DMXL2: variants seen among roughly 807,000 people sequenced by gnomAD.
The protein encoded by DMXL2 is Dmx like 2, also known as dmX-like protein 2.
DMXL2 carries 103 observed loss-of-function variants against 331.1 expected under a neutral mutation model. The ratio of observed to expected loss-of-function variants is 0.31; its 90% CI spans 0.27 to 0.37. DMXL2 has a LOEUF of 0.37. DMXL2 is among the 10% of genes least tolerant of loss of function. The pLI, the probability that DMXL2 is intolerant of heterozygous loss-of-function variation, is 1.00. For missense variants in DMXL2, 3,171 were observed against 3,642.9 expected (o/e 0.87, Z 3.33); for synonymous variants, 1,281 against 1,252.1 (o/e 1.02, Z -0.49).
intron 33 of DMXL2, 182 bp downstream of exon 33, chr15:51,463,197 T>C: frequency 2.2e-6 from 1 of 456,536 alleles, no homozygotes. Flanking sequence ...CCTATGTTGT[T>C]TCATTGCTAT....
chr15:51,563,729 G>A (rs1041859559), intron 5 of DMXL2, among the ~76,000 whole-genome samples: 1 of 152,096 alleles, frequency 6.6e-6, no homozygotes, highest in East Asian at 1.9e-4. Flanking sequence ...CATGTTAAAA[G>A]CTGAGCTTAT....
At chr15:51,595,335 A>C (rs1361844556) in intron 1 of DMXL2, among the ~76,000 whole-genome samples, 1 of 152,234 alleles carries the variant, frequency 6.6e-6, no homozygotes, top group Admixed American at 6.5e-5. Flanking sequence ...CTTCAAAGAG[A>C]ATAAAATATC....
chr15:51,569,727 C>A (rs761270244), intron 2 of DMXL2, among the ~76,000 whole-genome samples: 17 of 152,180 alleles, frequency 1.1e-4, no homozygotes, highest in Non-Finnish European at 2.2e-4. Context: ...AGCAGACCTG[C>A]AGCAGAGGGG....
At chr15:51,523,433 A>G (rs374582765) in intron 13 of DMXL2, among the ~76,000 whole-genome samples, 37 of 152,354 alleles carry the variant, frequency 2.4e-4, no homozygotes, top group African/African-American at 8.9e-4. Context: ...TACAAATATA[A>G]CTGATGAGAA....
intron 13 of DMXL2, among the ~76,000 whole-genome samples, chr15:51,528,324 C>CA (rs35702525): frequency 6.6e-6 from 1 of 151,774 alleles, no homozygotes; most frequent in Admixed American, 6.6e-5. Flanking sequence ...CTGTGGCCTG[C>CA]AAAAAACACA....
chr15:51,551,127 G>T (rs1596225672), intron 6 of DMXL2, among the ~76,000 whole-genome samples: 2 of 150,246 alleles, frequency 1.3e-5, no homozygotes, highest in Non-Finnish European at 3.0e-5. Context: ...AAAAAAAACT[G>T]CCCAACATTC....
Position 51,480,602 on chromosome 15 carries a change from T to C in DMXL2, c.6504A>G (p.Gln2168=). ...TCCTTACTGAAGCCAAACCACCACCTTGGGCCCCATGAAGGCTACAGTAGC... is the reference window on the plus strand; with the variant it reads ...TCCTTACTGAAGCCAAACCACCACCCTGGGCCCCATGAAGGCTACAGTAGC... The part of the protein sequence containing the change: ...FLSYCSLHGA[Q]GGGLASVRME... The change falls in exon 24 of 44, where the codon CAA becomes CAG. Residue 2168 remains glutamine, a synonymous_variant. Coordinates refer to ENST00000560891, the MANE Select transcript of DMXL2 (RefSeq NM_001378457.1). The C allele has an allele frequency of 6.3e-7, 1 of 1,587,476 alleles. No homozygotes were observed. Among genetic ancestry groups the C allele is most frequent in the South Asian group, 1.1e-5 (1 of 88,898 alleles).
intron 32 of DMXL2, among the ~76,000 whole-genome samples, chr15:51,464,440 A>C (rs1377847261): frequency 6.6e-6 from 1 of 152,184 alleles, no homozygotes; most frequent in East Asian, 1.9e-4. Flanking sequence ...ACCACACCGG[A>C]AATTAATACA....
At chr15:51,538,731 A>G (rs1444772429) in intron 9 of DMXL2, among the ~76,000 whole-genome samples, 2 of 152,226 alleles carry the variant, frequency 1.3e-5, no homozygotes, top group African/African-American at 4.8e-5. Flanking sequence ...AAATTAAAGC[A>G]GAAAAGCAGC....
intron 6 of DMXL2, among the ~76,000 whole-genome samples, chr15:51,558,586 T>C (rs1596254755): frequency 6.6e-6 from 1 of 152,338 alleles, no homozygotes. Context: ...GAACTACTAC[T>C]AAACCGCACA....
At chr15:51,498,276 A>C (rs544956447) in intron 18 of DMXL2, among the ~76,000 whole-genome samples, 2 of 152,044 alleles carry the variant, frequency 1.3e-5, no homozygotes, top group African/African-American at 2.4e-5. Context: ...AACACACACA[A>C]AAAAACAAGA....
chr15:51,588,124 G>A (rs2052001317), intron 1 of DMXL2, among the ~76,000 whole-genome samples: 1 of 148,850 alleles, frequency 6.7e-6, no homozygotes, highest in East Asian at 2.0e-4. Flanking sequence ...TAGGTCGCCT[G>A]TTCACTCTGA....
intron 33 of DMXL2, chr15:51,460,254 G>A: frequency 1.0e-6 from 1 of 985,578 alleles, no homozygotes. Flanking sequence ...TGGAAACTCT[G>A]AAGGTTTGAT....
chr15:51,496,561 C>G (rs2043195057), intron 18 of DMXL2, among the ~76,000 whole-genome samples: 1 of 152,072 alleles, frequency 6.6e-6, no homozygotes, highest in African/African-American at 2.4e-5. Flanking sequence ...CAGGAAGGCA[C>G]CAGTATATGT....
Position 51,622,549 on chromosome 15 carries a change from C to G in DMXL2, c.-4G>C. ...TGAGGACCTGATGCAGATGCATCTC[C>G]GGAGCCCGGGCTGGACAGAATGCGC... On this transcript the variant is annotated 5_prime_UTR_variant, in exon 1 of 44. Transcript: ENST00000560891. 1 of 1,551,914 alleles carries G rather than the reference C, an allele frequency of 6.4e-7. No individual in the cohort carries two copies. Among genetic ancestry groups the G allele is most frequent in the Non-Finnish European group, 8.7e-7 (1 of 1,147,118 alleles).
rs188208985 is a variant in DMXL2, at chr15:51,606,768, C to T, written c.87+15691G>A. Reference sequence around the variant, plus strand: ...TGTAACAACCAAAACTAAGAACTTACGGATGGCTTTAACAGCAAATTAGAC... The same window carrying T: ...TGTAACAACCAAAACTAAGAACTTATGGATGGCTTTAACAGCAAATTAGAC... On this transcript the variant is annotated intron_variant, in intron 1 of 43. Coordinates refer to ENST00000560891, the MANE Select transcript of DMXL2 (RefSeq NM_001378457.1). Among the ~76,000 whole-genome samples the T allele has an allele frequency of 3.1e-3, 470 of 152,254 alleles. 2 individuals are homozygous for T. Among genetic ancestry groups the T allele is most frequent in the Non-Finnish European group, 5.4e-3 (368 of 68,024 alleles).
At chr15:51,534,047 C>G (rs1240628336) in intron 13 of DMXL2, among the ~76,000 whole-genome samples, 1 of 152,004 alleles carries the variant, frequency 6.6e-6, no homozygotes, top group Non-Finnish European at 1.5e-5. Flanking sequence ...TCCAAATGTA[C>G]AAATACAGAA....
intron 1 of DMXL2, among the ~76,000 whole-genome samples, chr15:51,609,481 A>G (rs925807332): frequency 6.6e-6 from 1 of 152,224 alleles, no homozygotes; most frequent in Non-Finnish European, 1.5e-5. Flanking sequence ...CCATATTTTC[A>G]CTGTACCTTT....
Position 51,494,925 on chromosome 15 carries a change from C to T in DMXL2, c.4783+99G>A, listed in dbSNP as rs578188939. On this transcript the variant is annotated intron_variant, in intron 19 of 43. Coordinates refer to ENST00000560891, the MANE Select transcript of DMXL2 (RefSeq NM_001378457.1). ...TCTTAAGCCAAGTGATAGGTGTGCA[C>T]GTAATGACTTACCTAATGTTTACAC... 220 of 737,398 alleles carry T rather than the reference C, an allele frequency of 3.0e-4. 1 individual carries two copies. The highest frequency in any genetic ancestry group is 2.2e-3 in the Middle Eastern group (9 of 4,146). 45.7% of individuals were successfully genotyped at this position (737,398 alleles called of 1,614,324 possible).
Sources: gnomAD v4.1 joint callset for allele counts (sites outside exome capture counted in the v4.1 genomes callset) on GRCh38, gnomAD v4.1.1 for gene constraint, MANE v1.5 for transcripts, NCBI Gene and HGNC (gene_info 2026-07-23, HGNC 2026-07-21) for gene names.